Variants in MYO3B observed in about 807,000 individuals in gnomAD.
MYO3B encodes the protein myosin-IIIb.
A neutral mutation model predicts 174.6 loss-of-function variants in MYO3B; 156 were observed. The ratio of observed to expected loss-of-function variants is 0.89; its 90% confidence interval spans 0.78 to 1.02. The LOEUF is 1.02. MYO3B is among the 50% of genes least tolerant of loss of function. The pLI, the probability that MYO3B is intolerant of heterozygous loss-of-function variation, is 0.00. For missense variants in MYO3B, 1,632 were observed against 1,639.4 expected (o/e 1.00, Z 0.08); for synonymous variants, 563 against 569.1 (o/e 0.99, Z 0.15).
At chr2:170,541,739 AG>A (rs1012950137) in intron 30 of MYO3B, among the ~76,000 whole-genome samples, 1 of 152,192 alleles carries the variant, frequency 6.6e-6, no homozygotes, top group Non-Finnish European at 1.5e-5. Flanking sequence ...GGCACTGGGT[AG>A]GTGCTTACAC....
At chr2:170,560,110 A>G (rs1257929769) in intron 32 of MYO3B, among the ~76,000 whole-genome samples, 1 of 152,220 alleles carries the variant, frequency 6.6e-6, no homozygotes. Context: ...CACTTTTGAA[A>G]GTACCTAATT....
At chr2:170,344,558 C>T (rs1455664260) in intron 8 of MYO3B, 1 of 152,094 alleles carries the variant, frequency 6.6e-6, no homozygotes, top group Non-Finnish European at 1.5e-5. Context: ...CATGGCCACA[C>T]CTAGCTGCAA....
At position 170,392,410 on chromosome 2, in the gene MYO3B, T is replaced by A. The variant is rs1250825171; in HGVS notation, c.1706T>A (p.Met569Lys). Residue 569 changes from methionine (M) to lysine (K), a missense_variant, in exon 16 of 35, where the codon ATG becomes AAG. Physicochemically the swap from Met to Lys is moderately conservative, Grantham distance 95. Coordinates refer to ENST00000408978, the MANE Select transcript of MYO3B (RefSeq NM_138995.5). ...ATAGCTGATGAAACTGGAAGGGTGA[T>A]GCACGACATAACTTCCAAGGAGTCT... ...RYIADETGRV[M>K]HDITSKESYR... The A allele has an allele frequency of 6.2e-7, 1 of 1,601,882 alleles. No individual in the cohort carries two copies. Among genetic ancestry groups the A allele is most frequent in the South Asian group, 1.1e-5 (1 of 88,208 alleles).
At position 170,516,423 on chromosome 2, in the gene MYO3B, C is replaced by T. The variant is rs140766553; in HGVS notation, c.3472+1401C>T. Among the ~76,000 whole-genome samples the T allele has an allele frequency of 9.1e-3, 1,390 of 151,932 alleles. 30 individuals carry two copies. Among genetic ancestry groups the T allele is most frequent in the African/African-American group, 0.032 (1,309 of 41,454 alleles). On this transcript the variant is annotated intron_variant, in intron 29 of 34. Transcript: ENST00000408978. Reference sequence around the variant, plus strand: ...TTGGGAGGCCGAGATGGGCAGATCACGAGGTCAGGAGATACAGACCATCCT... The same window carrying T: ...TTGGGAGGCCGAGATGGGCAGATCATGAGGTCAGGAGATACAGACCATCCT...
chr2:170,563,031 TACACACACAC>T (rs56861648), intron 32 of MYO3B, among the ~76,000 whole-genome samples: 276 of 138,670 alleles, frequency 2.0e-3, no homozygotes, highest in African/African-American at 6.8e-3. Context: ...AAAACATGCA[TACACACACAC>T]ACACACACAC....
At chr2:170,271,919 T>C (rs919819191) in intron 7 of MYO3B, among the ~76,000 whole-genome samples, 1 of 152,078 alleles carries the variant, frequency 6.6e-6, no homozygotes, top group Non-Finnish European at 1.5e-5. Context: ...TAGTGGCCTA[T>C]TTGTATTCAG....
rs562655606 is a variant in MYO3B, at chr2:170,426,815, C to T, written c.2651-17152C>T. On this transcript the variant is annotated intron_variant, in intron 22 of 34. Coordinates refer to ENST00000408978, the MANE Select transcript of MYO3B (RefSeq NM_138995.5). ...CAGGCGGATCATGAGGTCAGGAGTT[C>T]GAGACCAGCCTGGCCAATATAGTGA... Among the ~76,000 whole-genome samples, 390 of 151,970 alleles carry T rather than the reference C, an allele frequency of 2.6e-3. 1 individual carries two copies. Among genetic ancestry groups the T allele is most frequent in the African/African-American group, 9.1e-3 (376 of 41,484 alleles).
chr2:170,625,878 T>G (rs901690315), intron 32 of MYO3B, among the ~76,000 whole-genome samples: 4 of 152,260 alleles, frequency 2.6e-5, no homozygotes, highest in Admixed American at 1.3e-4. Context: ...GTGAGTTTCT[T>G]AATCCTGAGT....
intron 9 of MYO3B, among the ~76,000 whole-genome samples, chr2:170,376,299 C>T (rs1030024889): frequency 5.9e-5 from 9 of 152,082 alleles, no homozygotes; most frequent in Non-Finnish European, 1.0e-4. Context: ...TTGTTTTTCT[C>T]GTTTGAGGTC....
At position 170,483,443 on chromosome 2, in the gene MYO3B, G is replaced by A. The variant is rs1445642767; in HGVS notation, c.3015-15149G>A. ...GCTCTGTCGCCCAGGCTGGAGTGCAGTGGCGCGATCTCGGCTCACTGCAAG... is the reference window on the plus strand; with the variant it reads ...GCTCTGTCGCCCAGGCTGGAGTGCAATGGCGCGATCTCGGCTCACTGCAAG... On this transcript the variant is annotated intron_variant, in intron 25 of 34. Transcript: ENST00000408978. Among the ~76,000 whole-genome samples the A allele has an allele frequency of 1.4e-4, 15 of 107,692 alleles. No individual in the cohort carries two copies. In the Admixed American group the frequency reaches 1.5e-3, roughly 10 times the overall value. The allele number at this position is 107,692 out of a possible 152,430, so 70.7% of individuals were successfully genotyped here. A position where few individuals can be genotyped will look rare whatever the true frequency, so the allele number is the denominator to read the frequency against.
chr2:170,646,726 G>A (rs1172175940), intron 32 of MYO3B, among the ~76,000 whole-genome samples: 1 of 152,152 alleles, frequency 6.6e-6, no homozygotes, highest in African/African-American at 2.4e-5. Flanking sequence ...TGCACTTCAG[G>A]AGGCAGGGAA....
chr2:170,203,104 A>T (rs1353499596), intron 3 of MYO3B, among the ~76,000 whole-genome samples: 1 of 152,218 alleles, frequency 6.6e-6, no homozygotes, highest in African/African-American at 2.4e-5. Context: ...TGTTTTGGAA[A>T]ATCTGTGAAT....
chr2:170,517,516 T>C (rs1688395083), intron 29 of MYO3B, among the ~76,000 whole-genome samples: 1 of 152,194 alleles, frequency 6.6e-6, no homozygotes, highest in Non-Finnish European at 1.5e-5. Context: ...TTATTATTTT[T>C]AGTTTTTTAA....
At chr2:170,374,517 C>T (rs946420339) in intron 9 of MYO3B, among the ~76,000 whole-genome samples, 10 of 152,110 alleles carry the variant, frequency 6.6e-5, no homozygotes, top group Admixed American at 5.2e-4. Flanking sequence ...TTGAGGAACT[C>T]TTAGATCAGA....
intron 23 of MYO3B, among the ~76,000 whole-genome samples, chr2:170,459,488 G>A (rs997343386): frequency 6.6e-6 from 1 of 152,204 alleles, no homozygotes; most frequent in Non-Finnish European, 1.5e-5. Flanking sequence ...TAGACACAAG[G>A]TGCTGATTGG....
intron 32 of MYO3B, among the ~76,000 whole-genome samples, chr2:170,546,637 CA>C (rs1276652135): frequency 1.3e-5 from 2 of 152,168 alleles, no homozygotes; most frequent in Non-Finnish European, 2.9e-5. Flanking sequence ...TAGAAAACGA[CA>C]AAGATGAAGA....
chr2:170,386,114 G>T (rs1436185524), intron 12 of MYO3B, 75 bp from the exon 13 acceptor site: 9 of 1,224,538 alleles, frequency 7.3e-6, no homozygotes, highest in Non-Finnish European at 9.6e-6. Flanking sequence ...GTGTACAGTA[G>T]TGGATGTTAT....
chr2:170,430,222 G>A (rs1421309307), intron 22 of MYO3B, among the ~76,000 whole-genome samples: 4 of 151,668 alleles, frequency 2.6e-5, no homozygotes, highest in Non-Finnish European at 4.4e-5. Flanking sequence ...GGCCTTTACT[G>A]TATTATTTCA....
At chr2:170,433,934 C>T (rs2094730734) in intron 22 of MYO3B, among the ~76,000 whole-genome samples, 2 of 152,234 alleles carry the variant, frequency 1.3e-5, no homozygotes, top group African/African-American at 4.8e-5. Context: ...GGGCTGGGAA[C>T]TCTTCCATCC....
Sources: gnomAD v4.1 joint callset for allele counts (sites outside exome capture counted in the v4.1 genomes callset) on GRCh38, gnomAD v4.1.1 for gene constraint, MANE v1.5 for transcripts, NCBI Gene and HGNC (gene_info 2026-07-23, HGNC 2026-07-21) for gene names.